The following ZNF605 variants were observed in gnomAD, a reference collection of about 807,000 sequenced individuals.
ZNF605 encodes zinc finger protein 605.
A neutral mutation model predicts 7.9 loss-of-function variants in ZNF605; 9 were observed. The observed-to-expected ratio is 1.14, with a 90% CI of 0.68 to 1.98. The LOEUF (loss-of-function observed/expected upper bound fraction) is 1.98, where lower values mean the gene tolerates loss of function less well. Ranked by LOEUF, ZNF605 falls within the 30% of genes most tolerant of loss-of-function variation. The probability of loss-of-function intolerance (pLI) is 0.00; values close to 1 mark genes in which losing one functional copy is unlikely to be tolerated. For synonymous variants in ZNF605, 255 were observed against 260.1 expected, an observed-to-expected ratio of 0.98 and a Z score of 0.19; for missense variants, 673 against 762.4, an observed-to-expected ratio of 0.88 and a Z score of 1.38.
At chr12:132,939,113 G>A (rs948641097) in intron 3 of ZNF605, among the ~76,000 whole-genome samples, 3 of 151,838 alleles carry the variant, frequency 2.0e-5, no homozygotes, top group South Asian at 2.1e-4. Context: ...CAGTCCCATC[G>A]ACCACCCAAG....
intron 3 of ZNF605, among the ~76,000 whole-genome samples, chr12:132,934,025 G>A (rs1309528294): frequency 1.3e-5 from 2 of 152,286 alleles, no homozygotes; most frequent in South Asian, 4.1e-4. Context: ...GGGAGGCTGA[G>A]GTGGGCGGAT....
chr12:132,954,466 GGGA>G (rs1314527389), intron 1 of ZNF605, among the ~76,000 whole-genome samples: 2 of 149,124 alleles, frequency 1.3e-5, no homozygotes, highest in African/African-American at 2.5e-5. Context: ...GGGTGGGGAG[GGGA>G]GGAGAAGGGG....
At position 132,941,329 on chromosome 12, in the gene ZNF605, A is replaced by G. The variant is rs1326364883; in HGVS notation, c.15+4292T>C. On this transcript the variant is annotated intron_variant, in intron 3 of 4. Coordinates refer to ENST00000360187, the MANE Select transcript of ZNF605 (RefSeq NM_183238.4). The surrounding 1 kb of genome is among the most constrained non-coding windows in gnomAD (Gnocchi z 5.1). Reference sequence around the variant, plus strand: ...TTTCCAGACTCTGGTCAAGGCTAGCAGCGCCCAAAGGTAGATTGCCAGGTC... The same window carrying G: ...TTTCCAGACTCTGGTCAAGGCTAGCGGCGCCCAAAGGTAGATTGCCAGGTC... 7.9e-5 allele frequency among the ~76,000 whole-genome samples: 12 copies of G among 152,266 alleles called. No homozygotes were observed. Among genetic ancestry groups the G allele is most frequent in the African/African-American group, 2.9e-4 (12 of 41,556 alleles).
At chr12:132,943,507 C>A (rs1952467075) in intron 3 of ZNF605, among the ~76,000 whole-genome samples, 1 of 152,186 alleles carries the variant, frequency 6.6e-6, no homozygotes. Flanking sequence ...TTGAGGGGAG[C>A]TGCAGTCAGG....
chr12:132,937,017 C>T (rs777635190), intron 3 of ZNF605, among the ~76,000 whole-genome samples: 1 of 152,126 alleles, frequency 6.6e-6, no homozygotes, highest in African/African-American at 2.4e-5. Flanking sequence ...AAGAAAATAA[C>T]CTCATTTTAA....
rs1952443226 is a variant in ZNF605 at position 132,941,709 on chromosome 12, C to T, written c.15+3912G>A. Reference sequence around the variant, plus strand: ...CCTCAGGCCTCACGCAGCCGTTCCCCGCAGGGCACTTCCCACGGGTACCTC... The same window carrying T: ...CCTCAGGCCTCACGCAGCCGTTCCCTGCAGGGCACTTCCCACGGGTACCTC... On this transcript the variant is annotated intron_variant, in intron 3 of 4. Coordinates refer to ENST00000360187, the MANE Select transcript of ZNF605 (RefSeq NM_183238.4). The surrounding 1 kb of genome is among the most constrained non-coding windows in gnomAD (Gnocchi z 5.1). Among the ~76,000 whole-genome samples the T allele has an allele frequency of 1.3e-5, 2 of 152,210 alleles. No individual in the cohort carries two copies. Among genetic ancestry groups the T allele is most frequent in the East Asian group, 1.9e-4 (1 of 5,190 alleles).
At chr12:132,943,222 GT>G (rs1385114964) in intron 3 of ZNF605, among the ~76,000 whole-genome samples, 2 of 152,008 alleles carry the variant, frequency 1.3e-5, no homozygotes, top group African/African-American at 4.8e-5. Context: ...AATTAGCTGG[GT>G]GTGGTACCGC....
At chr12:132,927,325 T>C (rs891736783) in intron 4 of ZNF605, among the ~76,000 whole-genome samples, 163 bp from the exon 5 acceptor site, 14 of 152,216 alleles carry the variant, frequency 9.2e-5, no homozygotes, top group Admixed American at 8.5e-4. Context: ...AAATGAACTT[T>C]TAAATTACAA....
At chr12:132,929,168 G>C (rs926298526) in intron 4 of ZNF605, among the ~76,000 whole-genome samples, 1 of 152,112 alleles carries the variant, frequency 6.6e-6, no homozygotes, top group African/African-American at 2.4e-5. Flanking sequence ...AGCACTTCAG[G>C]GGGCTGAGGT....
In ZNF605 at chr12:132,924,327, T is replaced by C. The variant is rs779828202; in HGVS notation, c.*1046A>G. ...TGATGCTCCATGTGTTTCCACTCTG[T>C]TTCCACTCTGGCTGCTGAGAACATA... On this transcript the variant is annotated 3_prime_UTR_variant, in exon 5 of 5. Transcript: ENST00000360187. 3 of 152,368 alleles carry C rather than the reference T, an allele frequency of 2.0e-5. No homozygotes were observed. Among genetic ancestry groups the C allele is most frequent in the Non-Finnish European group, 4.4e-5 (3 of 68,042 alleles). The allele number at this position is 152,368 out of a possible 1,614,324, so 9.4% of individuals were successfully genotyped here.
intron 1 of ZNF605, among the ~76,000 whole-genome samples, chr12:132,950,668 A>T (rs1952549386): frequency 6.6e-6 from 1 of 151,594 alleles, no homozygotes; most frequent in African/African-American, 2.4e-5. Flanking sequence ...AGACACACAC[A>T]GATACACAGG....
At position 132,941,675 on chromosome 12, in the gene ZNF605, G is replaced by A. The variant is rs917553580; in HGVS notation, c.15+3946C>T. 1.9e-4 allele frequency among the ~76,000 whole-genome samples: 29 copies of A among 152,238 alleles called. No individual in the cohort carries two copies. Among genetic ancestry groups the A allele is most frequent in the African/African-American group, 6.5e-4 (27 of 41,472 alleles). ...ACCGCAGCCTGGACTACGCAGCTCA[G>A]GCAAGCGACCTCAGGCCTCACGCAG... On this transcript the variant is annotated intron_variant, in intron 3 of 4. Coordinates refer to ENST00000360187, the MANE Select transcript of ZNF605 (RefSeq NM_183238.4). This position sits in a 1 kb window ranked among gnomAD's most constrained non-coding sequence, Gnocchi z 5.1.
intron 3 of ZNF605, among the ~76,000 whole-genome samples, chr12:132,940,434 A>G (rs1952424131): frequency 6.6e-6 from 1 of 152,224 alleles, no homozygotes; most frequent in Non-Finnish European, 1.5e-5. Context: ...CTCATGGAGG[A>G]AAACTGCCCT....
rs1436899902 is a variant in ZNF605 at position 132,920,992 on chromosome 12, A to C, written c.*4381T>G. Reference sequence around the variant, plus strand: ...CAGGCATGTGCCACCATGCCCGGCTAATTTTTTTGTATTTAGTAGAGACGG... The same window carrying C: ...CAGGCATGTGCCACCATGCCCGGCTCATTTTTTTGTATTTAGTAGAGACGG... On this transcript the variant is annotated 3_prime_UTR_variant, in exon 5 of 5. Transcript: ENST00000360187. The C allele has an allele frequency of 6.6e-6, 1 of 152,110 alleles. No individual in the cohort carries two copies. The highest frequency in any genetic ancestry group is 1.5e-5 in the Non-Finnish European group (1 of 68,058). The allele number at this position is 152,110 out of a possible 1,614,324, so 9.4% of individuals were successfully genotyped here.
intron 2 of ZNF605, 41 bp from the exon 3 acceptor site, chr12:132,945,838 A>C: frequency 2.8e-6 from 2 of 719,130 alleles, no homozygotes; most frequent in South Asian, 3.5e-5. Context: ...TGATCTAATT[A>C]ATTTGGGAAC....
At position 132,951,613 on chromosome 12, in the gene ZNF605, G is replaced by A. The variant is rs371353121; in HGVS notation, c.-285-3343C>T. ...CACACACTCAGACACAGATACACAC[G>A]TTCGTATCACAGACACGTACAGATA... On this transcript the variant is annotated intron_variant, in intron 1 of 4. Transcript: ENST00000360187. Among the ~76,000 whole-genome samples the A allele has an allele frequency of 7.5e-3, 1,056 of 140,916 alleles. 10 individuals are homozygous for A. The highest frequency in any genetic ancestry group is 0.027 in the African/African-American group (988 of 36,820). The allele number at this position is 140,916 out of a possible 152,430, so 92.4% of individuals were successfully genotyped here. A position where few individuals can be genotyped will look rare whatever the true frequency, so the allele number is the denominator to read the frequency against.
rs1251181802 is a variant in ZNF605 at position 132,952,277 on chromosome 12, T to C, written c.-286+3966A>G. 2.0e-5 allele frequency among the ~76,000 whole-genome samples: 3 copies of C among 151,642 alleles called. No homozygotes were observed. The East Asian group carries it at 5.9e-4, about 30-fold the overall frequency. The stretch of plus-strand genomic sequence containing the variant: ...GAGTTCGAGACCAGCCTGGCCAACA[T>C]GGTGAAACCCCATCTTTACTAAAAA... On this transcript the variant is annotated intron_variant, in intron 1 of 4. Transcript: ENST00000360187.
At chr12:132,945,135 T>G in intron 3 of ZNF605, 1 of 410,210 alleles carries the variant, frequency 2.4e-6, no homozygotes, top group South Asian at 2.7e-5. Flanking sequence ...GGCTAATTTT[T>G]GTATTTTCAG....
At chr12:132,952,366 C>T (rs916231627) in intron 1 of ZNF605, among the ~76,000 whole-genome samples, 23 of 146,148 alleles carry the variant, frequency 1.6e-4, no homozygotes, top group Middle Eastern at 3.4e-3. Flanking sequence ...GGCGTTGAGG[C>T]GGAAGAATCA....
Sources: gnomAD v4.1 joint callset for allele counts (sites outside exome capture counted in the v4.1 genomes callset) on GRCh38, gnomAD v4.1.1 for gene constraint, Gnocchi (gnomAD v3.1) non-coding constraint, MANE v1.5 for transcripts, NCBI Gene and HGNC (gene_info 2026-07-23, HGNC 2026-07-21) for gene names.